Variants in QTGAL observed in about 807,000 individuals in gnomAD.
The protein encoded by QTGAL is BGnT-like protein 1.
chr17:82,972,969 G>A, the QTGAL span, among the ~76,000 whole-genome samples: 1 of 152,206 alleles, frequency 6.6e-6, no homozygotes, highest in African/African-American at 2.4e-5. Context: ...GTGAGCGGAA[G>A]GGGCTGGAGA....
the QTGAL span, among the ~76,000 whole-genome samples, chr17:83,045,309 A>G: frequency 1.3e-5 from 2 of 152,238 alleles, no homozygotes; most frequent in African/African-American, 4.8e-5. Context: ...ATTTTTGACA[A>G]GAATACCAAG....
chr17:82,950,313 G>A, the QTGAL span, among the ~76,000 whole-genome samples: 17 of 152,286 alleles, frequency 1.1e-4, no homozygotes, highest in African/African-American at 3.8e-4. Context: ...CAAGATAGTA[G>A]TGACACCACA....
At chr17:83,008,999 A>G in the QTGAL span, among the ~76,000 whole-genome samples, 1 of 152,070 alleles carries the variant, frequency 6.6e-6, no homozygotes, top group African/African-American at 2.4e-5. Context: ...CATCACACAG[A>G]AGGAAACTCA....
At chr17:83,028,478 T>C in the QTGAL span, among the ~76,000 whole-genome samples, 1 of 146,058 alleles carries the variant, frequency 6.8e-6, no homozygotes. Flanking sequence ...TGAGCCGAGA[T>C]TGCGCCACTG....
the QTGAL span, chr17:82,942,661 C>T: frequency 1.6e-6 from 1 of 639,274 alleles, no homozygotes; most frequent in East Asian, 2.7e-5. Context: ...CCTCTGCCTT[C>T]ACTTGAACAC....
At chr17:83,016,271 A>G in the QTGAL span, among the ~76,000 whole-genome samples, 1 of 152,196 alleles carries the variant, frequency 6.6e-6, no homozygotes, top group Non-Finnish European at 1.5e-5. Flanking sequence ...CATTGGAAGG[A>G]TATCTGTTTT....
chr17:83,033,252 A>C, the QTGAL span, among the ~76,000 whole-genome samples: 1 of 152,016 alleles, frequency 6.6e-6, no homozygotes, highest in African/African-American at 2.4e-5. Context: ...CCCCATGGAG[A>C]CCTGCCGGAA....
At chr17:82,948,931 G>A in the QTGAL span, 2 of 152,214 alleles carry the variant, frequency 1.3e-5, no homozygotes, top group Admixed American at 6.5e-5. Flanking sequence ...ATAAATGAAA[G>A]TCACTTAATT....
the QTGAL span, among the ~76,000 whole-genome samples, chr17:83,023,976 G>A: frequency 2.6e-5 from 4 of 152,214 alleles, no homozygotes; most frequent in Non-Finnish European, 4.4e-5. Context: ...ATTCTGCGCT[G>A]GTTCCTTCTA....
At chr17:83,034,589 C>A in the QTGAL span, among the ~76,000 whole-genome samples, 1 of 152,230 alleles carries the variant, frequency 6.6e-6, no homozygotes, top group East Asian at 1.9e-4. Context: ...TAAGGTTGGG[C>A]TGTGTCCCCG....
chr17:82,973,706 A>C, the QTGAL span, among the ~76,000 whole-genome samples: 1 of 152,150 alleles, frequency 6.6e-6, no homozygotes. Context: ...CTAAGAAGTT[A>C]CCTGCGTGTA....
the QTGAL span, among the ~76,000 whole-genome samples, chr17:82,982,109 CGGGT>C: frequency 9.7e-3 from 1,340 of 137,860 alleles, 22 homozygotes; most frequent in African/African-American, 0.036. Context: ...ATGGGCCAAG[CGGGT>C]GGAGGAGCCT....
At chr17:82,951,486 C>A in the QTGAL span, among the ~76,000 whole-genome samples, 1 of 152,198 alleles carries the variant, frequency 6.6e-6, no homozygotes, top group Non-Finnish European at 1.5e-5. Context: ...CTGGTTTGAT[C>A]TGTCAGACCA....
At chr17:83,025,768 G>A in the QTGAL span, among the ~76,000 whole-genome samples, 5 of 152,256 alleles carry the variant, frequency 3.3e-5, no homozygotes, top group East Asian at 5.8e-4. Context: ...AATGCAGCGC[G>A]ATTCTGAGCA....
the QTGAL span, chr17:82,942,849 G>A: frequency 3.2e-6 from 1 of 314,854 alleles, no homozygotes; most frequent in South Asian, 4.4e-5. Context: ...CCCTGCTGTG[G>A]GAGACGTCTG....
the QTGAL span, chr17:83,005,346 C>A: frequency 1.3e-6 from 1 of 762,072 alleles, no homozygotes; most frequent in South Asian, 1.8e-5. This position sits in a 1 kb window ranked among gnomAD's most constrained non-coding sequence, Gnocchi z 5.6. Context: ...AAATCTGGGT[C>A]AGGCAAACAC....
At chr17:83,034,913 A>G in the QTGAL span, 1 of 788,964 alleles carries the variant, frequency 1.3e-6, no homozygotes, top group South Asian at 1.7e-5. Context: ...GGACTAACAC[A>G]TTATTAGTCT....
chr17:83,046,030 G>C, the QTGAL span, among the ~76,000 whole-genome samples: 1 of 152,080 alleles, frequency 6.6e-6, no homozygotes, highest in Non-Finnish European at 1.5e-5. Context: ...CACCATGTTG[G>C]GCAGCTTGGT....
the QTGAL span, chr17:82,956,842 C>T: frequency 3.1e-5 from 47 of 1,502,256 alleles, no homozygotes; most frequent in African/African-American, 2.5e-4. This position sits in a 1 kb window ranked among gnomAD's most constrained non-coding sequence, Gnocchi z 5.7. Flanking sequence ...TCAGGGTGCA[C>T]GCAGCCACCA....
Sources: gnomAD v4.1 joint callset for allele counts (sites outside exome capture counted in the v4.1 genomes callset) on GRCh38, gnomAD v4.1.1 for gene constraint, Gnocchi (gnomAD v3.1) non-coding constraint, MANE v1.5 for transcripts, NCBI Gene and HGNC (gene_info 2026-07-23, HGNC 2026-07-21) for gene names.